The following GALNT11 variants were observed in gnomAD, a reference collection of about 807,000 sequenced individuals.
GALNT11 encodes the protein polypeptide N-acetylgalactosaminyltransferase 11, also known as UDP-GalNAc:polypeptide N-acetylgalactosaminyltransferase 11.
A neutral mutation model predicts 72.7 loss-of-function variants in GALNT11; 47 were observed. The ratio of observed to expected loss-of-function variants is 0.65; its 90% CI spans 0.51 to 0.82. The LOEUF (loss-of-function observed/expected upper bound fraction) is 0.82, where lower values mean the gene tolerates loss of function less well. Among genes scored for constraint, GALNT11 ranks in the 40% least tolerant of loss-of-function variants. The pLI is 0.00. For synonymous variants in GALNT11, 270 were observed against 286.6 expected, an observed-to-expected ratio of 0.94 and a Z score of 0.58; for missense variants, 677 against 778.4, an observed-to-expected ratio of 0.87 and a Z score of 1.55.
rs1268164902 is a variant in GALNT11, at chr7:152,025,837, C to T, written c.-86C>T. 2.1e-5 allele frequency: 6 copies of T among 285,276 alleles called. No homozygotes were observed. Among genetic ancestry groups the T allele is most frequent in the South Asian group, 5.4e-5 (2 of 36,912 alleles). The allele number at this position is 285,276 out of a possible 1,614,324, so 17.7% of individuals were successfully genotyped here. A position where few individuals can be genotyped will look rare whatever the true frequency, so the allele number is the denominator to read the frequency against. On this transcript the variant is annotated 5_prime_UTR_variant, in exon 1 of 12. Coordinates refer to ENST00000430044, the MANE Select transcript of GALNT11 (RefSeq NM_022087.4). Reference sequence around the variant, plus strand: ...GGGGCTGTGGCGGGAGAGAAGATGCCGCAGCCCGAGTCCCAGAAGGCGGCG... The same window carrying T: ...GGGGCTGTGGCGGGAGAGAAGATGCTGCAGCCCGAGTCCCAGAAGGCGGCG...
intron 4 of GALNT11, chr7:152,105,032 T>A: frequency 2.5e-6 from 1 of 406,010 alleles, no homozygotes; most frequent in Non-Finnish European, 4.3e-6. Context: ...AAAGTAAGTA[T>A]TCCTCTTTGC....
At chr7:152,120,991 G>A in intron 11 of GALNT11, 23 bp downstream of exon 11, 1 of 1,606,356 alleles carries the variant, frequency 6.2e-7, no homozygotes, top group Non-Finnish European at 8.5e-7. Flanking sequence ...CGGTGATGTT[G>A]GGAGAATGCG....
Position 152,105,368 on chromosome 7 carries a change from C to G in GALNT11, c.710C>G (p.Thr237Arg). The G allele has an allele frequency of 1.2e-6, 2 of 1,612,258 alleles. No individual in the cohort carries two copies. Among genetic ancestry groups the G allele is most frequent in the Non-Finnish European group, 1.7e-6 (2 of 1,179,206 alleles). ...AGAATGATTGGCGCGGCCCACGCGA[C>G]AGGTATCACTTCTCGTTAGCTTTGC... ...RGRMIGAAHA[T>R]GEVLVFLDSH... The change falls in exon 5 of 12, where the codon ACA (threonine) becomes AGA (arginine). Residue 237 changes from threonine to arginine, a missense_variant and splice_region_variant. Transcript: ENST00000430044.
chr7:152,081,029 C>A (rs951738301), intron 1 of GALNT11, among the ~76,000 whole-genome samples: 1 of 152,040 alleles, frequency 6.6e-6, no homozygotes, highest in Non-Finnish European at 1.5e-5. Flanking sequence ...CTGAATGGAG[C>A]CTTGCCTGTA....
chr7:152,050,344 C>G (rs956646973), intron 1 of GALNT11, among the ~76,000 whole-genome samples: 1 of 152,164 alleles, frequency 6.6e-6, no homozygotes, highest in Non-Finnish European at 1.5e-5. Flanking sequence ...CCTGCCAGTA[C>G]TAGGTCCTTC....
chr7:152,089,378 C>A (rs117503589), intron 1 of GALNT11, among the ~76,000 whole-genome samples: 2,050 of 152,284 alleles, frequency 0.013, 128 homozygotes, highest in Admixed American at 0.11. Flanking sequence ...CTCAGCAAGG[C>A]AATCTGTATT....
At chr7:152,105,129 T>C in intron 4 of GALNT11, 116 bp from the exon 5 acceptor site, 1 of 1,099,962 alleles carries the variant, frequency 9.1e-7, no homozygotes, top group Non-Finnish European at 1.3e-6. Context: ...TCTGTAGTAT[T>C]TGCTTGATAG....
rs939971665 is a variant in GALNT11, at chr7:152,060,245, G to A, written c.-38-33945G>A. Among the ~76,000 whole-genome samples the A allele has an allele frequency of 2.6e-5, 4 of 152,328 alleles. No homozygotes were observed. The East Asian group carries it at 7.7e-4, about 29-fold the overall frequency. ...GGACTTGCCCTAAGACTGGTTTAAA[G>A]GAATATTTTGGCTGGTTTGATCTTC... On this transcript the variant is annotated intron_variant, in intron 1 of 11. Transcript: ENST00000430044.
In GALNT11 at chr7:152,034,500, G is replaced by T. The variant is rs1300430080; in HGVS notation, c.-39+8616G>T. 2.6e-5 allele frequency among the ~76,000 whole-genome samples: 4 copies of T among 152,262 alleles called. No individual in the cohort carries two copies. The East Asian group carries it at 5.8e-4, about 22-fold the overall frequency. ...AGCCACCTCTTTTTCAGGGTTTGCG[G>T]GTCAAATTGGTCCCAGTGGCTTAGG... is the stretch of plus-strand genomic sequence containing the variant. On this transcript the variant is annotated intron_variant, in intron 1 of 11. Coordinates refer to ENST00000430044, the MANE Select transcript of GALNT11 (RefSeq NM_022087.4).
Position 152,051,203 on chromosome 7 carries a change from T to G in GALNT11, c.-39+25319T>G, listed in dbSNP as rs58316478. Among the ~76,000 whole-genome samples, 208 of 118,662 alleles carry G rather than the reference T, an allele frequency of 1.8e-3. 1 individual carries two copies. Among genetic ancestry groups the G allele is most frequent in the African/African-American group, 0.011 (199 of 18,936 alleles). 77.8% of individuals were successfully genotyped at this position (118,662 alleles called of 152,430 possible). On this transcript the variant is annotated intron_variant, in intron 1 of 11. Coordinates refer to ENST00000430044, the MANE Select transcript of GALNT11 (RefSeq NM_022087.4). ...CTCCTAGAATTATATCTGGTTGTTT[T>G]TTTTTTTTTTTTTTTTTTTTTTTCA...
intron 3 of GALNT11, 45 bp downstream of exon 3, chr7:152,100,966 G>A (rs376988569): frequency 3.7e-6 from 6 of 1,605,226 alleles, no homozygotes; most frequent in Non-Finnish European, 5.1e-6. Context: ...ACAACACGAT[G>A]CTTTTAGTGT....
Position 152,105,325 on chromosome 7 carries a change from G to A in GALNT11, c.667G>A (p.Glu223Lys), listed in dbSNP as rs1205678006. ...KIKVIRNTKR[E>K]GLIRGRMIGA... ...TAAAGTCATAAGAAATACAAAGCGT[G>A]AGGGGTTGATTCGAGGGAGAATGAT... Residue 223 changes from glutamate to lysine, a missense_variant, in exon 5 of 12, where the codon GAG becomes AAG. Coordinates refer to ENST00000430044, the MANE Select transcript of GALNT11 (RefSeq NM_022087.4). 1 of 1,614,098 alleles carries A rather than the reference G, an allele frequency of 6.2e-7. No homozygotes were observed. Among genetic ancestry groups the A allele is most frequent in the Non-Finnish European group, 8.5e-7 (1 of 1,179,978 alleles).
chr7:152,031,671 G>A (rs1025390114), intron 1 of GALNT11, among the ~76,000 whole-genome samples: 1 of 152,196 alleles, frequency 6.6e-6, no homozygotes, highest in Non-Finnish European at 1.5e-5. Context: ...ACGAGTCTGA[G>A]TAAGGACTCC....
intron 1 of GALNT11, among the ~76,000 whole-genome samples, chr7:152,070,718 A>G (rs1435176312): frequency 1.3e-5 from 2 of 152,154 alleles, no homozygotes; most frequent in Non-Finnish European, 2.9e-5. Flanking sequence ...CTTTAATCTC[A>G]TCTGCTACCT....
At position 152,062,483 on chromosome 7, in the gene GALNT11, C is replaced by T. The variant is rs142468261; in HGVS notation, c.-38-31707C>T. Among the ~76,000 whole-genome samples the T allele has an allele frequency of 3.9e-3, 597 of 152,200 alleles. 4 individuals are homozygous for T. The highest frequency in any genetic ancestry group is 0.014 in the African/African-American group (580 of 41,520). On this transcript the variant is annotated intron_variant, in intron 1 of 11. Coordinates refer to ENST00000430044, the MANE Select transcript of GALNT11 (RefSeq NM_022087.4). The stretch of plus-strand genomic sequence containing the variant: ...TCTTTCTCCTGCCTGATTGCCCTGG[C>T]GAGGACTTCCAACAGTATGTTGAAT...
At chr7:152,053,857 A>G (rs935211242) in intron 1 of GALNT11, among the ~76,000 whole-genome samples, 65 of 152,360 alleles carry the variant, frequency 4.3e-4, no homozygotes, top group African/African-American at 1.5e-3. Context: ...AAACCTTGCA[A>G]TTTATAATTT....
At chr7:152,109,375 G>A (rs778405340) in intron 6 of GALNT11, among the ~76,000 whole-genome samples, 6 of 152,228 alleles carry the variant, frequency 3.9e-5, no homozygotes, top group Non-Finnish European at 8.8e-5. Context: ...CAGACAGGAA[G>A]TCAGCGTTGT....
At chr7:152,030,994 G>T (rs1351327763) in intron 1 of GALNT11, among the ~76,000 whole-genome samples, 1 of 152,190 alleles carries the variant, frequency 6.6e-6, no homozygotes, top group East Asian at 1.9e-4. Context: ...TATTTAATGG[G>T]GGTTCCCCCA....
chr7:152,095,279 T>A (rs186549404), intron 2 of GALNT11, among the ~76,000 whole-genome samples: 1,752 of 151,382 alleles, frequency 0.012, 36 homozygotes, highest in African/African-American at 0.041. Context: ...AGAGTGTTGA[T>A]TTTGACATTT....
Sources: gnomAD v4.1 joint callset for allele counts (sites outside exome capture counted in the v4.1 genomes callset) on GRCh38, gnomAD v4.1.1 for gene constraint, MANE v1.5 for transcripts, NCBI Gene and HGNC (gene_info 2026-07-23, HGNC 2026-07-21) for gene names.